SLC6A12: variants seen among roughly 807,000 people sequenced by gnomAD.
The protein encoded by SLC6A12 is solute carrier family 6 member 12, also known as sodium- and chloride-dependent betaine transporter.
A neutral mutation model predicts 73.3 loss-of-function variants in SLC6A12; 50 were observed. The ratio of observed to expected loss-of-function variants is 0.68; its 90% CI spans 0.54 to 0.86. The LOEUF (loss-of-function observed/expected upper bound fraction) is 0.86, where lower values mean the gene tolerates loss of function less well. Among genes scored for constraint, SLC6A12 ranks in the 40% least tolerant of loss-of-function variants. The pLI is 0.00. For missense variants in SLC6A12, 648 were observed against 772.8 expected (o/e 0.84, Z 1.92); for synonymous variants, 304 against 309.2 (o/e 0.98, Z 0.18).
chr12:187,586 GAGCAAAAAAAAAAAAAAAAAAAAAA>G (rs1565461259), downstream of SLC6A12, among the ~76,000 whole-genome samples: 5 of 82,766 alleles, frequency 6.0e-5, no homozygotes, highest in African/African-American at 3.7e-4. Flanking sequence ...TACTGCAAAA[GAGCAAAAAAAAAAAAAAAAAAAAAA>G]AAAAAAAAAA....
chr12:208,443 T>G (rs1273391359), intron 3 of SLC6A12, among the ~76,000 whole-genome samples: 1 of 152,208 alleles, frequency 6.6e-6, no homozygotes, highest in Non-Finnish European at 1.5e-5. Context: ...ATAAATAGTG[T>G]TTAGGAGGAT....
In SLC6A12 at chr12:193,359, T is replaced by C; in HGVS notation, c.1448A>G (p.Asp483Gly). 6.2e-7 allele frequency: 1 copy of C among 1,613,850 alleles called. No homozygotes were observed. The highest frequency in any genetic ancestry group is 8.5e-7 in the Non-Finnish European group (1 of 1,179,842). The change falls in exon 14 of 16, where the codon GAC (aspartate) becomes GGC (glycine). Residue 483 changes from aspartate (D) to glycine (G), a missense_variant. Asp to Gly is a moderately conservative substitution (Grantham distance 94). Transcript: ENST00000684302. ...SWVYGADRFYDNIEDMIGYRP... is the reference protein window; with the variant it reads ...SWVYGADRFYGNIEDMIGYRP... ...GTAGCCAATCATGTCCTCAATGTTG[T>C]CATAGAAACGGTCCGCCCCTGAGCA...
At chr12:212,853 T>C (rs2137225840) in intron 1 of SLC6A12, among the ~76,000 whole-genome samples, 1 of 152,084 alleles carries the variant, frequency 6.6e-6, no homozygotes, top group East Asian at 1.9e-4. Context: ...CCCTCGAGTC[T>C]CCTCCAAGGC....
chr12:213,023 G>A lies in SLC6A12; in HGVS notation c.-143+899C>T, dbSNP rs1940967525. On this transcript the variant is annotated intron_variant, in intron 1 of 15. Coordinates refer to ENST00000684302, the MANE Select transcript of SLC6A12 (RefSeq NM_001122848.3). The surrounding 1 kb of genome is among the most constrained non-coding windows in gnomAD (Gnocchi z 5.3). ...AAGAGACTAGAAAGTCCAAAGTTAA[G>A]TCTGTTTTCAGGAGCTGGGCATGTC... Among the ~76,000 whole-genome samples, 1 of 152,224 alleles carries A rather than the reference G, an allele frequency of 6.6e-6. No individual in the cohort carries two copies. The highest frequency in any genetic ancestry group is 2.1e-4 in the South Asian group (1 of 4,836).
At chr12:189,882 TAA>T (rs1939521832), downstream of SLC6A12, among the ~76,000 whole-genome samples, 1 of 152,004 alleles carries the variant, frequency 6.6e-6, no homozygotes, top group Non-Finnish European at 1.5e-5. Context: ...CGTGGGGGAA[TAA>T]GAGGTGGCAA....
intron 3 of SLC6A12, among the ~76,000 whole-genome samples, chr12:209,493 C>G (rs1275182705): frequency 2.6e-5 from 4 of 152,148 alleles, no homozygotes; most frequent in Admixed American, 6.5e-5. Flanking sequence ...CAATGATTGA[C>G]CTTTACATAG....
chr12:198,631 A>T lies in SLC6A12; in HGVS notation c.846+166T>A. On this transcript the variant is annotated intron_variant, in intron 8 of 15. Transcript: ENST00000684302. The surrounding 1 kb of genome is among the most constrained non-coding windows in gnomAD (Gnocchi z 4.0). ...TATTTGAGTGGTGGAATTACAAGAG[A>T]TTTTTTTAGTTTCTTTTTTATAGCT... 1.5e-6 allele frequency: 1 copy of T among 656,594 alleles called. No homozygotes were observed. Among genetic ancestry groups the T allele is most frequent in the Non-Finnish European group, 2.5e-6 (1 of 401,690 alleles). 40.7% of individuals were successfully genotyped at this position (656,594 alleles called of 1,614,324 possible).
downstream of SLC6A12, among the ~76,000 whole-genome samples, chr12:186,922 C>T (rs2137090619): frequency 6.6e-6 from 1 of 152,272 alleles, no homozygotes; most frequent in East Asian, 1.9e-4. Context: ...GGCACCAGGA[C>T]CCCCAACCAC....
At chr12:193,128 G>A (rs1031045773) in intron 14 of SLC6A12, 149 bp downstream of exon 14, 7 of 644,500 alleles carry the variant, frequency 1.1e-5, no homozygotes, top group Admixed American at 1.0e-4. Flanking sequence ...AAGAAGAGCA[G>A]GGAAGGCAAC....
At chr12:201,688 C>A in intron 6 of SLC6A12, 74 bp downstream of exon 6, 1 of 1,208,684 alleles carries the variant, frequency 8.3e-7, no homozygotes, top group Non-Finnish European at 1.2e-6. Flanking sequence ...AACTTGCACC[C>A]CAGACATTCA....
intron 13 of SLC6A12, among the ~76,000 whole-genome samples, 156 bp downstream of exon 13, chr12:195,069 G>T (rs574076124): frequency 6.6e-6 from 1 of 152,252 alleles, no homozygotes; most frequent in East Asian, 1.9e-4. Flanking sequence ...TCCCAGCCAC[G>T]GGTAAATTTC....
chr12:184,930 C>CTAA, the SLC6A12 span, among the ~76,000 whole-genome samples: 2 of 135,018 alleles, frequency 1.5e-5, no homozygotes, highest in African/African-American at 2.7e-5. Flanking sequence ...GAAACTGTCT[C>CTAA]AAAAAAAAAA....
intron 12 of SLC6A12, 56 bp downstream of exon 12, chr12:196,068 T>A: frequency 6.6e-7 from 1 of 1,515,690 alleles, no homozygotes; most frequent in East Asian, 2.5e-5. Flanking sequence ...GTCAGCAGTG[T>A]CCCCCGTGGC....
downstream of SLC6A12, among the ~76,000 whole-genome samples, chr12:189,318 C>T (rs1002743090): frequency 1.3e-5 from 2 of 152,146 alleles, no homozygotes; most frequent in African/African-American, 4.8e-5. Flanking sequence ...TTTCGTTTTC[C>T]GCCAGACCCG....
At chr12:192,891 GA>G (rs1273666174) in intron 14 of SLC6A12, 11 of 473,470 alleles carry the variant, frequency 2.3e-5, no homozygotes, top group African/African-American at 1.6e-4. Context: ...ACGGAGACAG[GA>G]GGCGATACAA....
Position 201,826 on chromosome 12 carries a change from G to A in SLC6A12, c.514C>T (p.His172Tyr). ...NTEHCTDFLN[H>Y]SGAGTVTPFE... is the part of the protein sequence containing the mutation. ...GGGGTCACTGTGCCGGCTCCTGAGTGGTTCAGAAAGTCCGTGCAATGCTCT... is the reference window on the plus strand; with the variant it reads ...GGGGTCACTGTGCCGGCTCCTGAGTAGTTCAGAAAGTCCGTGCAATGCTCT... Residue 172 changes from histidine to tyrosine, a missense_variant, in exon 6 of 16, where the codon CAC becomes TAC. Transcript: ENST00000684302. The A allele has an allele frequency of 6.2e-7, 1 of 1,614,094 alleles. No homozygotes were observed. Among genetic ancestry groups the A allele is most frequent in the South Asian group, 1.1e-5 (1 of 91,078 alleles).
At position 190,586 on chromosome 12, in the gene SLC6A12, C is replaced by T. The variant is rs1258837542; in HGVS notation, c.*482G>A. On this transcript the variant is annotated 3_prime_UTR_variant, in exon 16 of 16. Transcript: ENST00000684302. ...CTGTCGTTAAGCCTAAGGAAGGATC[C>T]CCTAACGGAACCTCCGATCCAACAC... The T allele has an allele frequency of 6.6e-6, 1 of 152,284 alleles. No homozygotes were observed. The highest frequency in any genetic ancestry group is 2.4e-5 in the African/African-American group (1 of 41,436). 9.4% of individuals were successfully genotyped at this position (152,284 alleles called of 1,614,324 possible).
At chr12:187,624 A>C (rs1418759577), downstream of SLC6A12, among the ~76,000 whole-genome samples, 258 of 37,060 alleles carry the variant, frequency 7.0e-3, 3 homozygotes, top group Middle Eastern at 0.028. Flanking sequence ...AAAAAAAAAA[A>C]AAAAAAACAA....
At chr12:200,558 T>C (rs930919745) in intron 7 of SLC6A12, 93 bp downstream of exon 7, 6 of 1,377,552 alleles carry the variant, frequency 4.4e-6, no homozygotes, top group South Asian at 2.7e-5. Flanking sequence ...AGTTTCTTAA[T>C]AGAAAGAAAT....
Sources: allele counts gnomAD v4.1 joint callset (sites outside exome capture counted in the v4.1 genomes callset), GRCh38; gene constraint gnomAD v4.1.1; non-coding constraint Gnocchi (gnomAD v3.1); transcripts MANE v1.5; gene names NCBI Gene and HGNC (gene_info 2026-07-23, HGNC 2026-07-21).